The following TEX2 variants were observed in gnomAD, a reference collection of about 807,000 sequenced individuals.
TEX2 encodes testis-expressed protein 2.
A neutral mutation model predicts 106.9 loss-of-function variants in TEX2; 53 were observed. The observed-to-expected ratio is 0.50, with a 90% CI of 0.40 to 0.62. TEX2 has a LOEUF of 0.62. TEX2 is among the 20% of genes least tolerant of loss of function. TEX2 has a pLI of 0.00. For missense variants in TEX2, 1,207 were observed against 1,379.0 expected (o/e 0.88, Z 1.98); for synonymous variants, 523 against 534.8 (o/e 0.98, Z 0.30).
At chr17:64,232,662 C>G (rs1555634742) in intron 1 of TEX2, among the ~76,000 whole-genome samples, 1 of 152,142 alleles carries the variant, frequency 6.6e-6, no homozygotes. Flanking sequence ...ACAGTTAGAC[C>G]AATCCTGTGT....
At chr17:64,170,942 A>T (rs2143731091) in intron 7 of TEX2, among the ~76,000 whole-genome samples, 158 bp downstream of exon 7, 1 of 152,218 alleles carries the variant, frequency 6.6e-6, no homozygotes, top group Non-Finnish European at 1.5e-5. Context: ...GCCCCAAATC[A>T]GTTTTAAGGC....
chr17:64,238,731 G>C (rs556314131), intron 1 of TEX2, among the ~76,000 whole-genome samples: 1 of 152,238 alleles, frequency 6.6e-6, no homozygotes, highest in East Asian at 1.9e-4. Context: ...CCTCCCACCA[G>C]GTCCCTCCCA....
intron 1 of TEX2, among the ~76,000 whole-genome samples, chr17:64,238,806 A>G (rs535760283): frequency 5.9e-5 from 9 of 152,350 alleles, no homozygotes; most frequent in African/African-American, 1.9e-4. Context: ...CAGCCAAACC[A>G]TATCAACCAG....
chr17:64,238,071 G>C (rs553941894), intron 1 of TEX2, among the ~76,000 whole-genome samples: 2 of 152,328 alleles, frequency 1.3e-5, no homozygotes, highest in East Asian at 1.9e-4. Flanking sequence ...GGAGGCCGAG[G>C]TGGGAGAATC....
At chr17:64,249,414 A>T (rs1182405973) in intron 1 of TEX2, among the ~76,000 whole-genome samples, 2 of 152,184 alleles carry the variant, frequency 1.3e-5, no homozygotes, top group African/African-American at 4.8e-5. Flanking sequence ...TCTGTGACAG[A>T]TCCCACAAAA....
At chr17:64,240,233 A>ATGTGTGTG (rs67965706) in intron 1 of TEX2, among the ~76,000 whole-genome samples, 2,274 of 147,400 alleles carry the variant, frequency 0.015, 50 homozygotes, top group African/African-American at 0.052. Context: ...GTATATGCAG[A>ATGTGTGTG]TGTGTGTGTG....
At chr17:64,215,139 G>A (rs2033146226) in intron 1 of TEX2, among the ~76,000 whole-genome samples, 1 of 152,162 alleles carries the variant, frequency 6.6e-6, no homozygotes, top group African/African-American at 2.4e-5. Context: ...TGAAAAGCTG[G>A]GCAGCAAAAC....
chr17:64,159,027 C>T (rs960637374), intron 8 of TEX2, among the ~76,000 whole-genome samples: 1 of 152,088 alleles, frequency 6.6e-6, no homozygotes, highest in African/African-American at 2.4e-5. Context: ...CTTTTTTTCA[C>T]TCAGTCTAGA....
intron 8 of TEX2, among the ~76,000 whole-genome samples, chr17:64,158,438 G>A (rs939372292): frequency 3.9e-5 from 6 of 152,242 alleles, no homozygotes; most frequent in African/African-American, 1.4e-4. Context: ...GCTGCAGGGA[G>A]AGCCTGCAGG....
chr17:64,147,303 C>T lies in TEX2; in HGVS notation c.*1666G>A, dbSNP rs2030084311. 1 of 152,156 alleles carries T rather than the reference C, an allele frequency of 6.6e-6. No individual in the cohort carries two copies. The highest frequency in any genetic ancestry group is 2.4e-5 in the African/African-American group (1 of 41,402). 9.4% of individuals were successfully genotyped at this position (152,156 alleles called of 1,614,324 possible). On this transcript the variant is annotated 3_prime_UTR_variant, in exon 12 of 12. Transcript: ENST00000584379. Reference sequence around the variant, plus strand: ...GGATGTAGTGAGGATGGCTTTGTAGCCTTAGGACTGGGCAGTGATCAACGC... The same window carrying T: ...GGATGTAGTGAGGATGGCTTTGTAGTCTTAGGACTGGGCAGTGATCAACGC...
At chr17:64,150,817 T>C in intron 11 of TEX2, 24 bp downstream of exon 11, 2 of 1,602,962 alleles carry the variant, frequency 1.2e-6, no homozygotes, top group Non-Finnish European at 8.5e-7. Flanking sequence ...TGGTGTGAAA[T>C]ACTAGATAAC....
chr17:64,251,956 T>C (rs78643178), intron 1 of TEX2, among the ~76,000 whole-genome samples: 4,811 of 152,226 alleles, frequency 0.032, 129 homozygotes, highest in South Asian at 0.1. Flanking sequence ...GGTGCAAATA[T>C]GAGCAGGGCA....
intron 1 of TEX2, among the ~76,000 whole-genome samples, chr17:64,260,121 G>A (rs2034263740): frequency 6.6e-6 from 1 of 152,146 alleles, no homozygotes; most frequent in African/African-American, 2.4e-5. Context: ...CAATAGCCTC[G>A]TGAATTACTC....
chr17:64,165,458 CTAAG>C (rs2031085938), intron 7 of TEX2, among the ~76,000 whole-genome samples: 1 of 152,234 alleles, frequency 6.6e-6, no homozygotes, highest in African/African-American at 2.4e-5. Flanking sequence ...CCTTTCCACA[CTAAG>C]TGTTTTTCTT....
chr17:64,251,883 C>A (rs916174408), intron 1 of TEX2, among the ~76,000 whole-genome samples: 1 of 152,174 alleles, frequency 6.6e-6, no homozygotes. Context: ...TTGGCAAACA[C>A]CCCCGACAGG....
intron 1 of TEX2, among the ~76,000 whole-genome samples, chr17:64,258,202 G>A (rs890525404): frequency 3.3e-5 from 5 of 152,036 alleles, no homozygotes; most frequent in East Asian, 1.9e-4. Flanking sequence ...GTGAGCCACC[G>A]CACCTGGCCC....
Position 64,194,366 on chromosome 17 carries a change from ATCAT to A in TEX2, c.1846-481_1846-478del, listed in dbSNP as rs531079814. On this transcript the variant is annotated intron_variant, in intron 3 of 11. Transcript: ENST00000584379. ...TCTCTCACATTGGAGAAATCTAAAG[ATCAT>A]TCAGATGAACTGTAAGAACAGAGAA... Among the ~76,000 whole-genome samples the A allele has an allele frequency of 1.9e-4, 29 of 152,382 alleles. No individual in the cohort carries two copies. In the South Asian group the frequency reaches 6.0e-3, roughly 32 times the overall value.
chr17:64,177,044 G>A (rs1489429216), intron 6 of TEX2, among the ~76,000 whole-genome samples: 1 of 152,138 alleles, frequency 6.6e-6, no homozygotes, highest in Non-Finnish European at 1.5e-5. Flanking sequence ...GGTTATAAGA[G>A]CTCACATTTT....
rs1219013823 is a variant in TEX2, at chr17:64,195,094, C to G, written c.1646G>C (p.Gly549Ala). The change falls in exon 3 of 12, where the codon GGA becomes GCA. Residue 549 changes from glycine (G) to alanine (A), a missense_variant and splice_region_variant. By Grantham distance (60) the Gly-to-Ala change is moderately conservative. Around this residue, in one of 3 missense-constraint regions of TEX2, gnomAD observed 1,067 missense variants for 1,193.6 expected, o/e 0.89. Transcript: ENST00000584379. This position sits in a 1 kb window ranked among gnomAD's most constrained non-coding sequence, Gnocchi z 4.1. ...LDIKEPEILKGWMNEIYNYDP... is the reference protein window; with the variant it reads ...LDIKEPEILKAWMNEIYNYDP... ...ATAGTTGTAAATCTCATTCATCCAT[C>G]CCTGATGAAGAAAAACTTCCATTAG... is the stretch of plus-strand genomic sequence containing the variant. 6.2e-7 allele frequency: 1 copy of G among 1,613,608 alleles called. No individual in the cohort carries two copies.
Sources: allele counts gnomAD v4.1 joint callset (sites outside exome capture counted in the v4.1 genomes callset), GRCh38; gene constraint gnomAD v4.1.1; regional missense constraint gnomAD v4.1.1; non-coding constraint Gnocchi (gnomAD v3.1); transcripts MANE v1.5; gene names NCBI Gene and HGNC (gene_info 2026-07-23, HGNC 2026-07-21).